ITGB8: variants seen among roughly 807,000 people sequenced by gnomAD.
ITGB8 encodes the protein integrin subunit beta 8, also known as integrin beta-8.
Under a neutral mutation model 89.5 loss-of-function variants are expected in ITGB8, and 30 were observed. The observed-to-expected ratio is 0.34, with a 90% confidence interval of 0.25 to 0.45. ITGB8 has a LOEUF of 0.45. Among genes scored for constraint, ITGB8 ranks in the 20% least tolerant of loss-of-function variants. ITGB8 has a pLI of 1.00. For missense variants in ITGB8, 836 were observed against 933.3 expected, an observed-to-expected ratio of 0.90 and a Z score of 1.36; for synonymous variants, 335 against 320.4, an observed-to-expected ratio of 1.05 and a Z score of -0.49.
rs1784389577 is a variant in ITGB8 at position 20,331,473 on chromosome 7, CTCTTT to C, written c.-328_-324del. The C allele has an allele frequency of 2.4e-6, 1 of 416,786 alleles. No homozygotes were observed. Among genetic ancestry groups the C allele is most frequent in the Admixed American group, 4.4e-5 (1 of 22,766 alleles). The allele number at this position is 416,786 out of a possible 1,614,324, so 25.8% of individuals were successfully genotyped here. A position where few individuals can be genotyped will look rare whatever the true frequency, so the allele number is the denominator to read the frequency against. ...CCCACCGGCTGGAGAGAAACAAAAG[CTCTTT>C]TCTTTGTCCCGGAGCAGGCTGCGGA... On this transcript the variant is annotated 5_prime_UTR_variant, in exon 1 of 14. The change abolishes the stop of an existing upstream ORF in the 5' untranslated region. Coordinates refer to ENST00000222573, the MANE Select transcript of ITGB8 (RefSeq NM_002214.3).
intron 8 of ITGB8, among the ~76,000 whole-genome samples, chr7:20,398,476 C>A (rs935773740): frequency 1.3e-5 from 2 of 152,134 alleles, no homozygotes; most frequent in African/African-American, 4.8e-5. Context: ...TTTAAGGTGT[C>A]AAGATTTACC....
chr7:20,334,284 A>C (rs1784506027), intron 1 of ITGB8, among the ~76,000 whole-genome samples: 1 of 152,214 alleles, frequency 6.6e-6, no homozygotes, highest in Admixed American at 6.5e-5. Context: ...ATAAATAACC[A>C]GAAAAACATA....
chr7:20,401,629 T>C (rs1359966520), intron 9 of ITGB8, 92 bp from the exon 10 acceptor site: 1 of 724,192 alleles, frequency 1.4e-6, no homozygotes, highest in Admixed American at 3.6e-5. Flanking sequence ...TCTAAGATGG[T>C]TTCTTATCAA....
chr7:20,336,337 G>A (rs1340969929), intron 1 of ITGB8, among the ~76,000 whole-genome samples: 1 of 152,120 alleles, frequency 6.6e-6, no homozygotes, highest in Admixed American at 6.5e-5. Flanking sequence ...TTTCCACATT[G>A]ACACCTCCAG....
rs1321886355 is a variant in ITGB8 at position 20,395,001 on chromosome 7, A to C, written c.1146+16A>C. On this transcript the variant is annotated intron_variant, in intron 8 of 13. Transcript: ENST00000222573. ...AGCCTATCAGGTATGTATATATTAG[A>C]TACAATTTTTTAAATAAAATTTTTA... 16 of 1,489,322 alleles carry C rather than the reference A, an allele frequency of 1.1e-5. No individual in the cohort carries two copies. The highest frequency in any genetic ancestry group is 1.4e-5 in the Non-Finnish European group (15 of 1,072,326). The allele number at this position is 1,489,322 out of a possible 1,614,324, so 92.3% of individuals were successfully genotyped here.
rs576986586 is a variant in ITGB8, at chr7:20,393,457, T to C, written c.1057-1439T>C. Among the ~76,000 whole-genome samples, 8 of 152,304 alleles carry C rather than the reference T, an allele frequency of 5.3e-5. No individual in the cohort carries two copies. The South Asian group carries it at 1.2e-3, about 24-fold the overall frequency. On this transcript the variant is annotated intron_variant, in intron 7 of 13. Coordinates refer to ENST00000222573, the MANE Select transcript of ITGB8 (RefSeq NM_002214.3). ...TGGGTTCTAACAACCTCATGGCTGA[T>C]AATCCATCCTCCATCTGGCTGCCAG...
chr7:20,370,525 C>A (rs1020343816), intron 3 of ITGB8, among the ~76,000 whole-genome samples: 56 of 150,976 alleles, frequency 3.7e-4, no homozygotes, highest in African/African-American at 1.2e-3. Context: ...GTTTCATGTT[C>A]ATTCAAATAT....
At chr7:20,343,842 C>T (rs1784838568) in intron 1 of ITGB8, among the ~76,000 whole-genome samples, 1 of 152,094 alleles carries the variant, frequency 6.6e-6, no homozygotes, top group Non-Finnish European at 1.5e-5. Context: ...AATTCTATGG[C>T]CATTTATATT....
At chr7:20,369,561 T>G (rs1374138119) in intron 3 of ITGB8, among the ~76,000 whole-genome samples, 1 of 152,140 alleles carries the variant, frequency 6.6e-6, no homozygotes, top group Non-Finnish European at 1.5e-5. Flanking sequence ...ATCATATCTC[T>G]CAGAGACCCC....
At position 20,401,743 on chromosome 7, in the gene ITGB8, C is replaced by A. The variant is rs1787318671; in HGVS notation, c.1304C>A (p.Thr435Lys). Residue 435 changes from threonine to lysine, a missense_variant, in exon 10 of 14, where the codon ACA (threonine) becomes AAA (lysine). By Grantham distance (78) the Thr-to-Lys change is moderately conservative. This residue lies in a region of ITGB8 where 422 missense variants were observed against 416.9 expected (regional missense o/e 1.01). Coordinates refer to ENST00000222573, the MANE Select transcript of ITGB8 (RefSeq NM_002214.3). ...NDEVLFNVTV[T>K]MKKCDVTGGK... ...TAGGTTCTTTTCAATGTAACAGTTA[C>A]AATGAAAAAATGTGATGTCACAGGA... 2.6e-6 allele frequency: 4 copies of A among 1,567,736 alleles called. No individual in the cohort carries two copies. Among genetic ancestry groups the A allele is most frequent in the Non-Finnish European group, 3.4e-6 (4 of 1,162,914 alleles).
chr7:20,335,680 T>G (rs1784551020), intron 1 of ITGB8, among the ~76,000 whole-genome samples: 1 of 152,242 alleles, frequency 6.6e-6, no homozygotes. Flanking sequence ...TCTCCTCACC[T>G]TCTCTTTGAA....
chr7:20,350,026 A>G (rs1785060700), intron 1 of ITGB8, among the ~76,000 whole-genome samples: 1 of 152,206 alleles, frequency 6.6e-6, no homozygotes, highest in Admixed American at 6.5e-5. Flanking sequence ...GACAGTGCCA[A>G]AACACAAAAC....
At position 20,401,992 on chromosome 7, in the gene ITGB8, C is replaced by T. The variant is rs370168222; in HGVS notation, c.1553C>T (p.Pro518Leu). 41 of 1,613,998 alleles carry T rather than the reference C, an allele frequency of 2.5e-5. No homozygotes were observed. Among genetic ancestry groups the T allele is most frequent in the Non-Finnish European group, 3.4e-5 (40 of 1,180,006 alleles). ...AGTTGCAAGTCACACAAGGATCAGC[C>T]TGTTTGCAGTGGTCGAGGAGTTTGT... ...SESCKSHKDQ[P>L]VCSGRGVCVC... is the part of the protein sequence containing the mutation. Residue 518 changes from proline (P) to leucine (L), a missense_variant, in exon 10 of 14, where the codon CCT becomes CTT. Coordinates refer to ENST00000222573, the MANE Select transcript of ITGB8 (RefSeq NM_002214.3).
At position 20,413,466 on chromosome 7, in the gene ITGB8, G is replaced by T. The variant is rs531260181; in HGVS notation, c.*3469G>T. On this transcript the variant is annotated 3_prime_UTR_variant, in exon 14 of 14. Transcript: ENST00000222573. Reference sequence around the variant, plus strand: ...TAGATTATGAAGAATTTTCTCTGTAGAATTATATTCTTCCTGGAACCTGGT... The same window carrying T: ...TAGATTATGAAGAATTTTCTCTGTATAATTATATTCTTCCTGGAACCTGGT... 11 of 152,574 alleles carry T rather than the reference G, an allele frequency of 7.2e-5. No homozygotes were observed. In the South Asian group the frequency reaches 1.7e-3, roughly 23 times the overall value. The allele number at this position is 152,574 out of a possible 1,614,324, so 9.5% of individuals were successfully genotyped here. A position where few individuals can be genotyped will look rare whatever the true frequency, so the allele number is the denominator to read the frequency against.
intron 3 of ITGB8, among the ~76,000 whole-genome samples, chr7:20,370,522 G>A (rs1785885043): frequency 1.3e-5 from 2 of 150,706 alleles, no homozygotes; most frequent in Admixed American, 1.3e-4. Flanking sequence ...AATGTTTCAT[G>A]TTCATTCAAA....
intron 10 of ITGB8, among the ~76,000 whole-genome samples, chr7:20,404,347 A>G (rs1355381027): frequency 1.3e-5 from 2 of 152,264 alleles, no homozygotes. Flanking sequence ...GGAATATGCA[A>G]TGACATTCAA....
chr7:20,402,402 T>C (rs1197090972), intron 10 of ITGB8, among the ~76,000 whole-genome samples: 6 of 152,210 alleles, frequency 3.9e-5, no homozygotes, highest in Non-Finnish European at 2.9e-5. Context: ...GAAAGAAATA[T>C]ACCAGAAAAG....
At chr7:20,334,823 G>C (rs1275013259) in intron 1 of ITGB8, among the ~76,000 whole-genome samples, 3 of 152,088 alleles carry the variant, frequency 2.0e-5, no homozygotes, top group Non-Finnish European at 4.4e-5. Flanking sequence ...GATATGCTTT[G>C]GAAAATTCCT....
chr7:20,336,179 G>C (rs1347826558), intron 1 of ITGB8, among the ~76,000 whole-genome samples: 1 of 151,668 alleles, frequency 6.6e-6, no homozygotes, highest in Admixed American at 6.6e-5. Flanking sequence ...CTAATTTTTT[G>C]TATTTTTAGT....
Sources: gnomAD v4.1 joint callset for allele counts (sites outside exome capture counted in the v4.1 genomes callset) on GRCh38, gnomAD v4.1.1 for gene constraint, gnomAD v4.1.1 regional missense constraint, MANE v1.5 for transcripts, NCBI Gene and HGNC (gene_info 2026-07-23, HGNC 2026-07-21) for gene names.